SPOCK1: variants seen among roughly 807,000 people sequenced by gnomAD.
SPOCK1 encodes SPARC (osteonectin), cwcv and kazal like domains proteoglycan 1.
Under a neutral mutation model 55.3 loss-of-function variants are expected in SPOCK1, and 23 were observed. That is an observed-to-expected ratio of 0.42 (90% confidence interval 0.30 to 0.59). The LOEUF is 0.59. Ranked by LOEUF, SPOCK1 falls within the 20% of genes least tolerant of loss-of-function variation. The pLI is 0.22. For missense variants in SPOCK1, 499 were observed against 552.5 expected (o/e 0.90, Z 0.97); for synonymous variants, 226 against 221.0 (o/e 1.02, Z -0.20).
intron 2 of SPOCK1, among the ~76,000 whole-genome samples, chr5:137,493,860 T>C (rs1754241660): frequency 6.6e-6 from 1 of 152,228 alleles, no homozygotes; most frequent in South Asian, 2.1e-4. Context: ...TAGGCTCCAC[T>C]TGCCCTTGAA....
intron 2 of SPOCK1, among the ~76,000 whole-genome samples, chr5:137,361,900 T>TC (rs745835355): frequency 3.9e-4 from 60 of 152,290 alleles, no homozygotes; most frequent in Middle Eastern, 6.8e-3. Flanking sequence ...CTCCTGCCTC[T>TC]CCCAATTTCC....
intron 2 of SPOCK1, among the ~76,000 whole-genome samples, chr5:137,496,756 A>G (rs1754307370): frequency 6.6e-6 from 1 of 152,244 alleles, no homozygotes; most frequent in Non-Finnish European, 1.5e-5. Context: ...AGCAGTTAAC[A>G]GAGCAGGTCA....
chr5:137,097,911 A>G (rs1317986272), intron 5 of SPOCK1, among the ~76,000 whole-genome samples: 2 of 152,318 alleles, frequency 1.3e-5, no homozygotes, highest in East Asian at 3.9e-4. Context: ...ATCGGGCAGA[A>G]CATGGTGCAA....
chr5:137,057,552 A>T (rs1339520773), intron 6 of SPOCK1, among the ~76,000 whole-genome samples: 1 of 152,200 alleles, frequency 6.6e-6, no homozygotes, highest in Non-Finnish European at 1.5e-5. Context: ...AATGATGATA[A>T]AAGTTATATT....
chr5:137,400,356 T>C (rs961561664), intron 2 of SPOCK1, among the ~76,000 whole-genome samples: 3 of 152,112 alleles, frequency 2.0e-5, no homozygotes, highest in Non-Finnish European at 2.9e-5. Flanking sequence ...AGAAAGACTA[T>C]AGGAGTCTTC....
At chr5:137,113,751 G>A (rs1007753592) in intron 4 of SPOCK1, among the ~76,000 whole-genome samples, 3 of 152,154 alleles carry the variant, frequency 2.0e-5, no homozygotes, top group African/African-American at 7.2e-5. Context: ...GTGGGGGTAT[G>A]GAGGATGAAA....
At chr5:137,212,361 C>CA (rs1198948351) in intron 3 of SPOCK1, among the ~76,000 whole-genome samples, 2 of 152,004 alleles carry the variant, frequency 1.3e-5, no homozygotes, top group African/African-American at 4.8e-5. Context: ...CAGGGACAAT[C>CA]AAAGTGTTTC....
intron 3 of SPOCK1, among the ~76,000 whole-genome samples, chr5:137,201,076 A>G (rs1055736572): frequency 1.3e-5 from 2 of 152,252 alleles, no homozygotes; most frequent in African/African-American, 2.4e-5. Flanking sequence ...CAATACAGAC[A>G]TCAAGGCAAC....
At chr5:137,354,411 G>C (rs1056810574) in intron 2 of SPOCK1, among the ~76,000 whole-genome samples, 12 of 151,882 alleles carry the variant, frequency 7.9e-5, no homozygotes, top group Non-Finnish European at 1.5e-4. Flanking sequence ...CCAGGATGAC[G>C]TTGCACCCTC....
intron 2 of SPOCK1, among the ~76,000 whole-genome samples, chr5:137,488,835 T>C (rs1754116113): frequency 6.6e-6 from 1 of 152,168 alleles, no homozygotes; most frequent in African/African-American, 2.4e-5. Flanking sequence ...GACGGTGCCC[T>C]CTGGAGTGTG....
chr5:137,241,141 T>C (rs1370255931), intron 3 of SPOCK1, among the ~76,000 whole-genome samples: 1 of 152,026 alleles, frequency 6.6e-6, no homozygotes, highest in Admixed American at 6.5e-5. Context: ...TAAAAAATAA[T>C]GGGAGAAAAA....
At chr5:137,124,187 C>T (rs1753736920) in intron 4 of SPOCK1, among the ~76,000 whole-genome samples, 1 of 152,170 alleles carries the variant, frequency 6.6e-6, no homozygotes, top group South Asian at 2.1e-4. Context: ...CAGGAAATCA[C>T]ATATTTCAAT....
chr5:137,426,201 A>T (rs1200086226), intron 2 of SPOCK1, among the ~76,000 whole-genome samples: 1 of 152,212 alleles, frequency 6.6e-6, no homozygotes, highest in Non-Finnish European at 1.5e-5. Flanking sequence ...GTAAATGATC[A>T]ATTAGTGTTA....
intron 2 of SPOCK1, among the ~76,000 whole-genome samples, chr5:137,283,407 G>A (rs965365309): frequency 1.3e-5 from 2 of 152,186 alleles, no homozygotes; most frequent in Admixed American, 1.3e-4. Flanking sequence ...AGGATGGAAA[G>A]TGAGGACACT....
chr5:137,139,661 C>T (rs1368245817), intron 4 of SPOCK1, among the ~76,000 whole-genome samples: 1 of 152,106 alleles, frequency 6.6e-6, no homozygotes, highest in Non-Finnish European at 1.5e-5. Flanking sequence ...GCAAAGCATA[C>T]TACCCACTTG....
intron 4 of SPOCK1, among the ~76,000 whole-genome samples, chr5:137,131,989 A>AAAAAAAATAT (rs1391176339): frequency 1.9e-4 from 7 of 36,056 alleles, no homozygotes; most frequent in African/African-American, 3.7e-4. Context: ...AAAAAAAAAA[A>AAAAAAAATAT]ATATATATAT....
chr5:137,040,390 T>G (rs1751972560), intron 6 of SPOCK1, among the ~76,000 whole-genome samples: 1 of 152,202 alleles, frequency 6.6e-6, no homozygotes, highest in Non-Finnish European at 1.5e-5. Context: ...TCACAAAGCA[T>G]GCATAGGCCT....
chr5:137,055,136 C>A (rs1465370628), intron 6 of SPOCK1, among the ~76,000 whole-genome samples: 1 of 152,146 alleles, frequency 6.6e-6, no homozygotes, highest in Non-Finnish European at 1.5e-5. Flanking sequence ...CAGCTCGACA[C>A]AATTATTACC....
intron 2 of SPOCK1, among the ~76,000 whole-genome samples, chr5:137,298,766 G>C (rs1221685734): frequency 6.6e-6 from 1 of 152,044 alleles, no homozygotes; most frequent in African/African-American, 2.4e-5. Flanking sequence ...GTGTTAATAT[G>C]CCTTCTTTTA....
Sources: gnomAD v4.1 joint callset for allele counts (sites outside exome capture counted in the v4.1 genomes callset) on GRCh38, gnomAD v4.1.1 for gene constraint, MANE v1.5 for transcripts, NCBI Gene and HGNC (gene_info 2026-07-23, HGNC 2026-07-21) for gene names.